The following GORASP1 variants were observed in gnomAD, a reference collection of about 807,000 sequenced individuals.
GORASP1 encodes golgi reassembly stacking protein 1, also known as Golgi reassembly-stacking protein 1.
GORASP1 carries 31 observed loss-of-function variants against 37.7 expected under a neutral mutation model. That is an observed-to-expected ratio of 0.82 (90% CI 0.62 to 1.11). The LOEUF is 1.11. Among genes scored for constraint, GORASP1 ranks in the 50% least tolerant of loss-of-function variants. The pLI is 0.00. For missense variants in GORASP1, 476 were observed against 560.7 expected, an observed-to-expected ratio of 0.85 and a Z score of 1.53; for synonymous variants, 204 against 224.8, an observed-to-expected ratio of 0.91 and a Z score of 0.83.
chr3:39,100,390 G>A lies in GORASP1; in HGVS notation c.680C>T (p.Pro227Leu), dbSNP rs773180530. 3.1e-6 allele frequency: 5 copies of A among 1,614,008 alleles called. No individual in the cohort carries two copies. The highest frequency in any genetic ancestry group is 2.5e-6 in the Non-Finnish European group (3 of 1,179,938). The change falls in exon 6 of 9, where the codon CCA (proline) becomes CTA (leucine). Residue 227 changes from proline (P) to leucine (L), a missense_variant. Physicochemically the swap from Pro to Leu is moderately conservative, Grantham distance 98. Transcript: ENST00000319283. The surrounding 1 kb of genome is among the most constrained non-coding windows in gnomAD (Gnocchi z 4.6). ...TCCAGGTGGTAGAGCATCAGGTGGTGGGGCACCAAGTGGTAGAGCAGAAGG... is the reference window on the plus strand; with the variant it reads ...TCCAGGTGGTAGAGCATCAGGTGGTAGGGCACCAAGTGGTAGAGCAGAAGG... ...PPPSALPLGA[P>L]PPDALPPGPT...
chr3:39,102,542 TCA>T lies in GORASP1; in HGVS notation c.348+134_348+135del. 1 of 812,254 alleles carries T rather than the reference TCA, an allele frequency of 1.2e-6. No individual in the cohort carries two copies. Among genetic ancestry groups the T allele is most frequent in the East Asian group, 2.7e-5 (1 of 37,426 alleles). 50.3% of individuals were successfully genotyped at this position (812,254 alleles called of 1,614,324 possible). On this transcript the variant is annotated intron_variant, in intron 3 of 8. Coordinates refer to ENST00000319283, the MANE Select transcript of GORASP1 (RefSeq NM_031899.4). The surrounding 1 kb of genome is among the most constrained non-coding windows in gnomAD (Gnocchi z 5.0). The stretch of plus-strand genomic sequence containing the variant: ...ACTGGAATGAGACCACATCCTGCCC[TCA>T]GTCTTCCCTGGCCACTGCTCCAAGG...
At chr3:39,106,668 C>T (rs1397065848) in intron 1 of GORASP1, among the ~76,000 whole-genome samples, 1 of 152,126 alleles carries the variant, frequency 6.6e-6, no homozygotes. Context: ...GCCTCTTCCC[C>T]GCAGCGCTCC....
Position 39,100,959 on chromosome 3 carries a change from C to G in GORASP1, c.435+57G>C. 1.9e-6 allele frequency: 3 copies of G among 1,613,588 alleles called. No homozygotes were observed. The highest frequency in any genetic ancestry group is 1.7e-5 in the Admixed American group (1 of 60,022). ...CCAGACACTTCTCATGGACAGCACC[C>G]TTCTCTTCACACCACATCCAGAGGG... On this transcript the variant is annotated intron_variant, in intron 4 of 8. Transcript: ENST00000319283. The surrounding 1 kb of genome is among the most constrained non-coding windows in gnomAD (Gnocchi z 4.6).
intron 1 of GORASP1, among the ~76,000 whole-genome samples, chr3:39,106,132 A>G (rs2036046962): frequency 6.6e-6 from 1 of 151,848 alleles, no homozygotes; most frequent in African/African-American, 2.4e-5. Context: ...TTCTTTCCCT[A>G]CCATCATCCA....
Position 39,098,865 on chromosome 3 carries a change from G to A in GORASP1, c.945C>T (p.Leu315=), listed in dbSNP as rs2035511256. ...PGFLDVSGIS[L]LDNSNASVWP... ...ACACACTGGCATTGCTGTTGTCCAAGAGAGAAATTCCCGACACGTCCAGGA... is the reference window on the plus strand; with the variant it reads ...ACACACTGGCATTGCTGTTGTCCAAAAGAGAAATTCCCGACACGTCCAGGA... Residue 315 remains leucine (L), a synonymous_variant, in exon 8 of 9, where the codon CTC becomes CTT. Transcript: ENST00000319283. The surrounding 1 kb of genome is among the most constrained non-coding windows in gnomAD (Gnocchi z 4.7). 3.7e-6 allele frequency: 6 copies of A among 1,614,128 alleles called. 1 individual carries two copies. The highest frequency in any genetic ancestry group is 1.6e-4 in the Middle Eastern group (1 of 6,062).
intron 1 of GORASP1, 166 bp downstream of exon 1, chr3:39,107,313 G>C (rs1314334811): frequency 2.1e-6 from 1 of 467,692 alleles, no homozygotes; most frequent in African/African-American, 2.1e-5. Context: ...CCGCGAGGCC[G>C]CCTCTCCCAG....
In GORASP1 at chr3:39,105,458, C is replaced by T. The variant is rs1302945740; in HGVS notation, c.64-1905G>A. On this transcript the variant is annotated intron_variant, in intron 1 of 8. Coordinates refer to ENST00000319283, the MANE Select transcript of GORASP1 (RefSeq NM_031899.4). This position sits in a 1 kb window ranked among gnomAD's most constrained non-coding sequence, Gnocchi z 5.4. ...CTCACCTGCTTTATGTGTCATTTAA[C>T]CTTTTTAATAACCTCAAATGACAAA... 6.6e-6 allele frequency among the ~76,000 whole-genome samples: 1 copy of T among 152,168 alleles called. No homozygotes were observed. The highest frequency in any genetic ancestry group is 1.5e-5 in the Non-Finnish European group (1 of 68,026).
rs1042840408 is a variant in GORASP1, at chr3:39,102,509, T to C, written c.348+169A>G. On this transcript the variant is annotated intron_variant, in intron 3 of 8. Coordinates refer to ENST00000319283, the MANE Select transcript of GORASP1 (RefSeq NM_031899.4). The surrounding 1 kb of genome is among the most constrained non-coding windows in gnomAD (Gnocchi z 5.0). Reference sequence around the variant, plus strand: ...GTTCAGGTAGTAATGAGCTGCCCTCTCTGGGACACTGGAATGAGACCACAT... The same window carrying C: ...GTTCAGGTAGTAATGAGCTGCCCTCCCTGGGACACTGGAATGAGACCACAT... 5 of 679,412 alleles carry C rather than the reference T, an allele frequency of 7.4e-6. No homozygotes were observed. The highest frequency in any genetic ancestry group is 7.1e-5 in the African/African-American group (4 of 56,494). The allele number at this position is 679,412 out of a possible 1,614,324, so 42.1% of individuals were successfully genotyped here.
At chr3:39,101,989 A>T (rs1191970279) in intron 3 of GORASP1, among the ~76,000 whole-genome samples, 1 of 152,200 alleles carries the variant, frequency 6.6e-6, no homozygotes, top group East Asian at 1.9e-4. Flanking sequence ...TATACCAGAA[A>T]AAACAGTATA....
chr3:39,098,875 C>T lies in GORASP1; in HGVS notation c.935G>A (p.Gly312Glu), dbSNP rs764838210. 3.1e-6 allele frequency: 5 copies of T among 1,614,044 alleles called. No individual in the cohort carries two copies. Among genetic ancestry groups the T allele is most frequent in the Admixed American group, 1.7e-5 (1 of 60,016 alleles). The change falls in exon 8 of 9, where the codon GGA (glycine) becomes GAA (glutamate). Residue 312 changes from glycine to glutamate, a missense_variant. Gly to Glu is a moderately conservative substitution (Grantham distance 98). Transcript: ENST00000319283. This position sits in a 1 kb window ranked among gnomAD's most constrained non-coding sequence, Gnocchi z 4.7. Reference protein sequence around the residue: ...VMDPGFLDVSGISLLDNSNAS... With the variant: ...VMDPGFLDVSEISLLDNSNAS... ...ATTGCTGTTGTCCAAGAGAGAAATT[C>T]CCGACACGTCCAGGAAGCCTAGGGG...
chr3:39,107,340 AG>A, intron 1 of GORASP1, 138 bp downstream of exon 1: 1 of 498,310 alleles, frequency 2.0e-6, no homozygotes, highest in Non-Finnish European at 3.2e-6. Flanking sequence ...CCCACCGGGC[AG>A]GGGGCACCTC....
chr3:39,103,769 AT>A lies in GORASP1; in HGVS notation c.64-217del. Reference sequence around the variant, plus strand: ...TTAGGAAAATGGCTCCTTCCTGATTATGATCCACAGATGCTTTCAGAAATGG... The same window carrying A: ...TTAGGAAAATGGCTCCTTCCTGATTAGATCCACAGATGCTTTCAGAAATGG... On this transcript the variant is annotated intron_variant, in intron 1 of 8. Transcript: ENST00000319283. The surrounding 1 kb of genome is among the most constrained non-coding windows in gnomAD (Gnocchi z 5.2). 1 of 483,660 alleles carries A rather than the reference AT, an allele frequency of 2.1e-6. No individual in the cohort carries two copies. 30.0% of individuals were successfully genotyped at this position (483,660 alleles called of 1,614,324 possible).
In GORASP1 at chr3:39,103,041, G is replaced by A. The variant is rs1281582018; in HGVS notation, c.145-160C>T. The A allele has an allele frequency of 1.4e-6, 1 of 695,944 alleles. No homozygotes were observed. The highest frequency in any genetic ancestry group is 2.5e-6 in the Non-Finnish European group (1 of 392,260). 43.1% of individuals were successfully genotyped at this position (695,944 alleles called of 1,614,324 possible). On this transcript the variant is annotated intron_variant, in intron 2 of 8. Transcript: ENST00000319283. This position sits in a 1 kb window ranked among gnomAD's most constrained non-coding sequence, Gnocchi z 5.2. ...AGGTAGTGGATGGGCCAGGTTCACA[G>A]ACCAGGGTTGAGCCTGCAGCCACTG... is the stretch of plus-strand genomic sequence containing the variant.
chr3:39,107,268 G>A, intron 1 of GORASP1: 1 of 505,654 alleles, frequency 2.0e-6, no homozygotes, highest in Non-Finnish European at 3.6e-6. Flanking sequence ...CGCTGGGCCC[G>A]ACCGCGGCCG....
chr3:39,105,607 C>A lies in GORASP1; in HGVS notation c.63+1872G>T, dbSNP rs935291451. Among the ~76,000 whole-genome samples the A allele has an allele frequency of 4.6e-5, 7 of 152,210 alleles. No homozygotes were observed. Among genetic ancestry groups the A allele is most frequent in the Non-Finnish European group, 5.9e-5 (4 of 68,038 alleles). On this transcript the variant is annotated intron_variant, in intron 1 of 8. Coordinates refer to ENST00000319283, the MANE Select transcript of GORASP1 (RefSeq NM_031899.4). This position sits in a 1 kb window ranked among gnomAD's most constrained non-coding sequence, Gnocchi z 5.4. ...TGAATCTGCCACTACTCTAAGCTCG[C>A]TGAGGGCAGCGACTTCTCCAAAGTA...
At chr3:39,104,414 G>A (rs1451760382) in intron 1 of GORASP1, among the ~76,000 whole-genome samples, 1 of 152,178 alleles carries the variant, frequency 6.6e-6, no homozygotes, top group African/African-American at 2.4e-5. Context: ...CATATACAGA[G>A]CCTGGCTTAA....
At position 39,101,347 on chromosome 3, in the gene GORASP1, C is replaced by T. The variant is rs1030144560; in HGVS notation, c.349-245G>A. ...AGCACCAGGCTCTGGAATCTGACCCCGGGCTCAACCCCTGGCTCCAGCTGC... is the reference window on the plus strand; with the variant it reads ...AGCACCAGGCTCTGGAATCTGACCCTGGGCTCAACCCCTGGCTCCAGCTGC... On this transcript the variant is annotated intron_variant, in intron 3 of 8. Coordinates refer to ENST00000319283, the MANE Select transcript of GORASP1 (RefSeq NM_031899.4). The T allele has an allele frequency of 2.2e-5, 13 of 598,690 alleles. 1 individual carries two copies. Among genetic ancestry groups the T allele is most frequent in the South Asian group, 9.4e-5 (5 of 53,282 alleles). The allele number at this position is 598,690 out of a possible 1,614,324, so 37.1% of individuals were successfully genotyped here.
rs1254015443 is a variant in GORASP1, at chr3:39,101,530, C to G, written c.349-428G>C. ...CACACCTTGGCTACAGGAGCACCCA[C>G]TACATTGCTGCTTCTGCTGCAGGCA... On this transcript the variant is annotated intron_variant, in intron 3 of 8. Transcript: ENST00000319283. 3.1e-5 allele frequency: 14 copies of G among 458,188 alleles called. 1 individual carries two copies. Among genetic ancestry groups the G allele is most frequent in the Non-Finnish European group, 4.8e-5 (11 of 228,096 alleles). 28.4% of individuals were successfully genotyped at this position (458,188 alleles called of 1,614,324 possible). A position where few individuals can be genotyped will look rare whatever the true frequency, so the allele number is the denominator to read the frequency against.
chr3:39,100,366 C>A lies in GORASP1; in HGVS notation c.704G>T (p.Gly235Val). 6.2e-7 allele frequency: 1 copy of A among 1,614,096 alleles called. No homozygotes were observed. The highest frequency in any genetic ancestry group is 8.5e-7 in the Non-Finnish European group (1 of 1,179,990). The change falls in exon 6 of 9, where the codon GGA becomes GTA. Residue 235 changes from glycine to valine, a missense_variant. Physicochemically the swap from Gly to Val is moderately radical, Grantham distance 109 (BLOSUM62 -3). Transcript: ENST00000319283. This position sits in a 1 kb window ranked among gnomAD's most constrained non-coding sequence, Gnocchi z 4.6. ...GGAAGGAGAGTCCTCGGGGGTGGGT[C>A]CAGGTGGTAGAGCATCAGGTGGTGG... ...GAPPPDALPP[G>V]PTPEDSPSLE...
Sources: gnomAD v4.1 joint callset for allele counts (sites outside exome capture counted in the v4.1 genomes callset) on GRCh38, gnomAD v4.1.1 for gene constraint, Gnocchi (gnomAD v3.1) non-coding constraint, MANE v1.5 for transcripts, NCBI Gene and HGNC (gene_info 2026-07-23, HGNC 2026-07-21) for gene names.